SPTB: variants seen among roughly 807,000 people sequenced by gnomAD.
SPTB encodes the protein spectrin beta, erythrocytic.
Under a neutral mutation model 256.2 loss-of-function variants are expected in SPTB, and 45 were observed. The observed-to-expected ratio is 0.18, with a 90% CI of 0.14 to 0.23. SPTB has a LOEUF of 0.23. SPTB is among the 10% of genes least tolerant of loss of function. The pLI, the probability that SPTB is intolerant of heterozygous loss-of-function variation, is 1.00. For synonymous variants in SPTB, 1,231 were observed against 1,243.1 expected (o/e 0.99, Z 0.21); for missense variants, 2,715 against 3,040.4 (o/e 0.89, Z 2.52).
At position 64,873,942 on chromosome 14, in the gene SPTB, T is replaced by C. The variant is rs759919203; in HGVS notation, c.-52+5850A>G. Among the ~76,000 whole-genome samples the C allele has an allele frequency of 2.0e-5, 3 of 152,160 alleles. No homozygotes were observed. The highest frequency in any genetic ancestry group is 4.4e-5 in the Non-Finnish European group (3 of 68,032). On this transcript the variant is annotated intron_variant, in intron 1 of 35. Transcript: ENST00000644917. This position sits in a 1 kb window ranked among gnomAD's most constrained non-coding sequence, Gnocchi z 4.3. The stretch of plus-strand genomic sequence containing the variant: ...TGTGTAGACAAAGGCATGCTGAAAA[T>C]TGAGTGGACTATAGTTATCTGTGAT...
At chr14:64,812,591 T>C (rs1446787936) in intron 2 of SPTB, among the ~76,000 whole-genome samples, 1 of 151,752 alleles carries the variant, frequency 6.6e-6, no homozygotes, top group East Asian at 1.9e-4. Flanking sequence ...TTTCTTGTGT[T>C]ACTCCTTCTC....
At chr14:64,801,504 A>G in intron 6 of SPTB, 104 bp from the exon 7 acceptor site, 3 of 911,974 alleles carry the variant, frequency 3.3e-6, no homozygotes, top group Non-Finnish European at 3.6e-6. Flanking sequence ...GGAGGTGGTC[A>G]GGCAGGAGGA....
At position 64,764,495 on chromosome 14, in the gene SPTB, C is replaced by T. The variant is rs879614904; in HGVS notation, c.6345+2231G>A. On this transcript the variant is annotated intron_variant, in intron 32 of 35. Coordinates refer to ENST00000644917, the MANE Select transcript of SPTB (RefSeq NM_001355436.2). The surrounding 1 kb of genome is among the most constrained non-coding windows in gnomAD (Gnocchi z 4.2). ...CCATCTGCTGGAGTGGCTGGCTCTC[C>T]GGAAAGGGTCTCAAATGTGGGCTCA... Among the ~76,000 whole-genome samples the T allele has an allele frequency of 3.9e-5, 6 of 152,240 alleles. No individual in the cohort carries two copies. Among genetic ancestry groups the T allele is most frequent in the African/African-American group, 7.2e-5 (3 of 41,456 alleles).
rs2083664385 is a variant in SPTB, at chr14:64,844,824, C to T, written c.-51-21679G>A. ...ACATCCAAATCACATTCCAGAGATT[C>T]CACCTGATCTCAGTGTTTGGAAAGA... On this transcript the variant is annotated intron_variant, in intron 1 of 35. Transcript: ENST00000644917. The surrounding 1 kb of genome is among the most constrained non-coding windows in gnomAD (Gnocchi z 4.1). Among the ~76,000 whole-genome samples, 1 of 152,210 alleles carries T rather than the reference C, an allele frequency of 6.6e-6. No individual in the cohort carries two copies. The highest frequency in any genetic ancestry group is 2.1e-4 in the South Asian group (1 of 4,824).
intron 32 of SPTB, among the ~76,000 whole-genome samples, chr14:64,762,288 A>G (rs1499517): frequency 0.082 from 12,525 of 152,286 alleles, 574 homozygotes; most frequent in Middle Eastern, 0.12. Flanking sequence ...CAGGAGGAGA[A>G]GGAAAGACTG....
At chr14:64,868,684 G>T (rs961392245) in intron 1 of SPTB, among the ~76,000 whole-genome samples, 2 of 152,230 alleles carry the variant, frequency 1.3e-5, no homozygotes, top group Non-Finnish European at 1.5e-5. Context: ...AGCCCAGAGA[G>T]GGCAGAGGTT....
At chr14:64,875,139 G>A (rs1255397591) in intron 1 of SPTB, among the ~76,000 whole-genome samples, 15 of 152,132 alleles carry the variant, frequency 9.9e-5, no homozygotes, top group Non-Finnish European at 1.8e-4. Flanking sequence ...GGCTTGCTGA[G>A]GTAGGAAGAA....
chr14:64,777,691 C>T lies in SPTB; in HGVS notation c.4563+1466G>A, dbSNP rs1440109119. Reference sequence around the variant, plus strand: ...CACCTGGTTAAGTCGTGTAAACTCACCCAGAAGGCTTGTTAAAGGAGTTGC... The same window carrying T: ...CACCTGGTTAAGTCGTGTAAACTCATCCAGAAGGCTTGTTAAAGGAGTTGC... On this transcript the variant is annotated intron_variant, in intron 22 of 35. Transcript: ENST00000644917. The surrounding 1 kb of genome is among the most constrained non-coding windows in gnomAD (Gnocchi z 4.5). Among the ~76,000 whole-genome samples, 1 of 152,128 alleles carries T rather than the reference C, an allele frequency of 6.6e-6. No individual in the cohort carries two copies. Among genetic ancestry groups the T allele is most frequent in the African/African-American group, 2.4e-5 (1 of 41,400 alleles).
Position 64,786,346 on chromosome 14 carries a change from A to G in SPTB, c.3561+58T>C. On this transcript the variant is annotated intron_variant, in intron 16 of 35. Transcript: ENST00000644917. The surrounding 1 kb of genome is among the most constrained non-coding windows in gnomAD (Gnocchi z 5.6). The stretch of plus-strand genomic sequence containing the variant: ...AGTCTTACAGCACATTTGTGGACTC[A>G]CCACAAGAGCTACTGCCCTGAGAGA... 1 of 1,603,666 alleles carries G rather than the reference A, an allele frequency of 6.2e-7. No homozygotes were observed. The highest frequency in any genetic ancestry group is 8.5e-7 in the Non-Finnish European group (1 of 1,173,264).
rs1377667454 is a variant in SPTB, at chr14:64,794,465, A to G, written c.1795+2T>C. On this transcript the variant is annotated splice_donor_variant, in intron 13 of 35. Coordinates refer to ENST00000644917, the MANE Select transcript of SPTB (RefSeq NM_001355436.2). LOFTEE classifies it high-confidence loss of function. ...CAAAAGGGGAGACAGACTTGGTCTC[A>G]CCTTTCCCCTCGGTGAACTTCAGGG... is the stretch of plus-strand genomic sequence containing the variant. 6.2e-7 allele frequency: 1 copy of G among 1,614,058 alleles called. No homozygotes were observed. Among genetic ancestry groups the G allele is most frequent in the Non-Finnish European group, 8.5e-7 (1 of 1,180,050 alleles).
intron 1 of SPTB, among the ~76,000 whole-genome samples, chr14:64,836,253 C>A (rs1286112401): frequency 6.6e-6 from 1 of 152,192 alleles, no homozygotes; most frequent in East Asian, 1.9e-4. Flanking sequence ...TCTATTTACA[C>A]TGATTTACTA....
rs770698912 is a variant in SPTB, at chr14:64,793,024, A to T, written c.2639T>A (p.Leu880Gln). Residue 880 changes from leucine (L) to glutamine (Q), a missense_variant, in exon 14 of 36, where the codon CTG (leucine) becomes CAG (glutamine). Transcript: ENST00000644917. This position sits in a 1 kb window ranked among gnomAD's most constrained non-coding sequence, Gnocchi z 7.0. ...WLAEMEMPDT[L>Q]EDLEVVQHRF... ...GTGCTGCACGACCTCCAGGTCCTCC[A>T]GGGTGTCTGGCATTTCCATCTCGGC... 112 of 1,613,850 alleles carry T rather than the reference A, an allele frequency of 6.9e-5. 1 individual carries two copies. The Admixed American group carries it at 1.5e-3, about 22-fold the overall frequency.
At chr14:64,808,697 G>A (rs2083032290) in intron 2 of SPTB, among the ~76,000 whole-genome samples, 2 of 152,008 alleles carry the variant, frequency 1.3e-5, no homozygotes. Flanking sequence ...ATACAGTTAA[G>A]GAAACAATAC....
chr14:64,765,941 GGT>G (rs1258780525), intron 32 of SPTB, among the ~76,000 whole-genome samples: 3 of 147,800 alleles, frequency 2.0e-5, no homozygotes, highest in African/African-American at 7.6e-5. Context: ...TATGTGTGTG[GGT>G]GTGAGTGTGT....
rs143827332 is a variant in SPTB at position 64,786,862 on chromosome 14, G to A, written c.3103C>T (p.Arg1035Trp). Residue 1035 changes from arginine to tryptophan, a missense_variant, in exon 16 of 36, where the codon CGG (arginine) becomes TGG (tryptophan). Physicochemically the swap from Arg to Trp is moderately radical, Grantham distance 101. Coordinates refer to ENST00000644917, the MANE Select transcript of SPTB (RefSeq NM_001355436.2). This position sits in a 1 kb window ranked among gnomAD's most constrained non-coding sequence, Gnocchi z 5.6. ...CACAGCTCCTCCAAGTGTTTTTGCC[G>A]CTGACCAATATCCTCCTTCTGCTCA... ...HPEQKEDIGQ[R>W]QKHLEELWQG... The A allele has an allele frequency of 1.8e-4, 289 of 1,613,060 alleles. No homozygotes were observed. In the East Asian group the frequency reaches 5.5e-3, roughly 31 times the overall value.
intron 22 of SPTB, among the ~76,000 whole-genome samples, chr14:64,776,814 C>A (rs2082365687): frequency 6.6e-6 from 1 of 152,202 alleles, no homozygotes; most frequent in Non-Finnish European, 1.5e-5. Context: ...TTAAAGTCTT[C>A]TTCCCTGTCT....
chr14:64,865,897 C>T (rs1030852179), intron 1 of SPTB, among the ~76,000 whole-genome samples: 2 of 152,164 alleles, frequency 1.3e-5, no homozygotes, highest in African/African-American at 2.4e-5. Flanking sequence ...AACCCTCCTG[C>T]GTCAAGTTTA....
intron 1 of SPTB, among the ~76,000 whole-genome samples, chr14:64,859,471 G>A (rs560566999): frequency 4.6e-5 from 7 of 152,256 alleles, no homozygotes; most frequent in East Asian, 1.9e-4. Context: ...TTGGCCAGCC[G>A]TGGTGGCTCA....
chr14:64,867,577 G>C (rs1882260612), intron 1 of SPTB, among the ~76,000 whole-genome samples: 1 of 152,112 alleles, frequency 6.6e-6, no homozygotes, highest in African/African-American at 2.4e-5. Context: ...GGCTGTGCTG[G>C]GTGCGGAGGC....
Sources: allele counts gnomAD v4.1 joint callset (sites outside exome capture counted in the v4.1 genomes callset), GRCh38; gene constraint gnomAD v4.1.1; non-coding constraint Gnocchi (gnomAD v3.1); transcripts MANE v1.5; gene names NCBI Gene and HGNC (gene_info 2026-07-23, HGNC 2026-07-21).